Variants in CTPS1 observed in about 807,000 individuals in gnomAD.
CTPS1 encodes the protein CTP synthase 1, also known as CTP synthetase 1.
In CTPS1, 25 loss-of-function variants were observed where a neutral mutation model predicts 80.5. The ratio of observed to expected loss-of-function variants is 0.31; its 90% confidence interval spans 0.23 to 0.43. The LOEUF is 0.43. Ranked by LOEUF, CTPS1 falls within the 20% of genes least tolerant of loss-of-function variation. CTPS1 has a pLI of 1.00. For synonymous variants in CTPS1, 267 were observed against 252.5 expected (o/e 1.06, Z -0.54); for missense variants, 442 against 725.7 (o/e 0.61, Z 4.49).
chr1:40,994,567 A>G (rs997542180), intron 7 of CTPS1, among the ~76,000 whole-genome samples: 3 of 152,170 alleles, frequency 2.0e-5, no homozygotes, highest in Non-Finnish European at 2.9e-5. Flanking sequence ...CTAAAATTCT[A>G]TTAGTACTGA....
chr1:40,983,010 ATTAG>A (rs1174334681), intron 1 of CTPS1, among the ~76,000 whole-genome samples: 1 of 152,208 alleles, frequency 6.6e-6, no homozygotes, highest in Non-Finnish European at 1.5e-5. Context: ...TCTGAAGGTT[ATTAG>A]TTGTCAAAGC....
At chr1:40,986,976 A>C (rs1642471152) in intron 3 of CTPS1, among the ~76,000 whole-genome samples, 1 of 152,194 alleles carries the variant, frequency 6.6e-6, no homozygotes, top group African/African-American at 2.4e-5. Flanking sequence ...AACTGGAAAC[A>C]TATGGAACAG....
At position 40,997,532 on chromosome 1, in the gene CTPS1, G is replaced by C; in HGVS notation, c.1005+6G>C. ...ACCACAAATTGGAAATCAAGGTAAGGAGGGTGGCACAGGTACAGCCAAAGG... is the reference window on the plus strand; with the variant it reads ...ACCACAAATTGGAAATCAAGGTAAGCAGGGTGGCACAGGTACAGCCAAAGG... On this transcript the variant is annotated splice_donor_region_variant and intron_variant, in intron 9 of 18. Coordinates refer to ENST00000650070, the MANE Select transcript of CTPS1 (RefSeq NM_001905.4). 6.2e-7 allele frequency: 1 copy of C among 1,613,730 alleles called. No individual in the cohort carries two copies. The highest frequency in any genetic ancestry group is 8.5e-7 in the Non-Finnish European group (1 of 1,179,780).
rs923517893 is a variant in CTPS1 at position 41,008,814 on chromosome 1, G to A, written c.1470G>A (p.Lys490=). 6.2e-7 allele frequency: 1 copy of A among 1,614,080 alleles called. No individual in the cohort carries two copies. The highest frequency in any genetic ancestry group is 1.3e-5 in the African/African-American group (1 of 74,938). The change falls in exon 16 of 19, where the codon AAG becomes AAA. Residue 490 remains lysine (K), a synonymous_variant. Transcript: ENST00000650070. The stretch of plus-strand genomic sequence containing the variant: ...AACAGGTGAATCCAGTCTGGAAAAA[G>A]TGTTTGGAAGAACAAGGCTTGAAGT... ...HRFEVNPVWK[K]CLEEQGLKFV...
rs553446921 is a variant in CTPS1 at position 40,992,964 on chromosome 1, G to A, written c.720+1119G>A. 2.7e-3 allele frequency among the ~76,000 whole-genome samples: 407 copies of A among 152,084 alleles called. 1 individual carries two copies. The highest frequency in any genetic ancestry group is 9.5e-3 in the African/African-American group (394 of 41,516). ...CTGCCTCAGCCTCCCAAAGTGCTGG[G>A]ATTACAGGTGTGAGGGCGCCCGGCC... On this transcript the variant is annotated intron_variant, in intron 7 of 18. Coordinates refer to ENST00000650070, the MANE Select transcript of CTPS1 (RefSeq NM_001905.4).
intron 9 of CTPS1, among the ~76,000 whole-genome samples, chr1:41,000,408 A>ATTTTTTT (rs549386080): frequency 7.4e-6 from 1 of 134,416 alleles, no homozygotes. Flanking sequence ...ACACCCAGCT[A>ATTTTTTT]TTTTTTTTTT....
rs749962060 is a variant in CTPS1, at chr1:41,003,118, G to C, written c.1194G>C (p.Val398=). Residue 398 remains valine, a synonymous_variant, in exon 12 of 19, where the codon GTG becomes GTC. Coordinates refer to ENST00000650070, the MANE Select transcript of CTPS1 (RefSeq NM_001905.4). ...ARNQKKPFLG[V]CLGMQLAVVE... The stretch of plus-strand genomic sequence containing the variant: ...TTTTTTCCCCCCGACTGGAAGGCGT[G>C]TGCTTAGGGATGCAGTTGGCAGTGG... 6.2e-7 allele frequency: 1 copy of C among 1,614,202 alleles called. No homozygotes were observed. Among genetic ancestry groups the C allele is most frequent in the Non-Finnish European group, 8.5e-7 (1 of 1,180,030 alleles).
chr1:41,003,600 T>C (rs915628577), intron 12 of CTPS1, among the ~76,000 whole-genome samples: 3 of 152,250 alleles, frequency 2.0e-5, no homozygotes, highest in Non-Finnish European at 2.9e-5. Flanking sequence ...TTAGCCTTTA[T>C]GGGCCTCCGT....
Position 40,997,386 on chromosome 1 carries a change from T to C in CTPS1, c.873-8T>C. 1 of 1,610,784 alleles carries C rather than the reference T, an allele frequency of 6.2e-7. No individual in the cohort carries two copies. ...GTAATTGGGTTTTTCTTGACGTTTA[T>C]TTGATAGATATGATCGCTTGCTGGA... On this transcript the variant is annotated splice_polypyrimidine_tract_variant and splice_region_variant and intron_variant, in intron 8 of 18. Coordinates refer to ENST00000650070, the MANE Select transcript of CTPS1 (RefSeq NM_001905.4).
intron 10 of CTPS1, 140 bp from the exon 11 acceptor site, chr1:41,002,020 A>G (rs1570972042): frequency 6.7e-6 from 5 of 749,192 alleles, no homozygotes; most frequent in Non-Finnish European, 1.2e-5. Flanking sequence ...TAGTGTTTAC[A>G]TACAATTCAT....
chr1:41,003,734 C>T (rs1021461601), intron 12 of CTPS1, among the ~76,000 whole-genome samples: 3 of 152,176 alleles, frequency 2.0e-5, no homozygotes, highest in African/African-American at 7.2e-5. Flanking sequence ...CAGCTCTTCG[C>T]CTAGCTGTGT....
At chr1:41,005,577 T>C (rs1025833147) in intron 12 of CTPS1, among the ~76,000 whole-genome samples, 1 of 152,210 alleles carries the variant, frequency 6.6e-6, no homozygotes, top group Non-Finnish European at 1.5e-5. Context: ...CGTAAAAAAA[T>C]TCACGTGTGT....
At chr1:40,983,240 G>C in intron 1 of CTPS1, 38 bp from the exon 2 acceptor site, 10 of 1,568,872 alleles carry the variant, frequency 6.4e-6, no homozygotes, top group South Asian at 2.3e-5. Context: ...GGTTTGTTGA[G>C]ATACATTTAT....
chr1:41,006,216 G>T (rs1643030286), intron 13 of CTPS1, 122 bp downstream of exon 13: 2 of 799,818 alleles, frequency 2.5e-6, no homozygotes, highest in Non-Finnish European at 4.1e-6. Context: ...GAACCCTGAG[G>T]TTTTGGGCAC....
intron 13 of CTPS1, 109 bp downstream of exon 13, chr1:41,006,203 A>G (rs1165706889): frequency 2.1e-6 from 2 of 945,934 alleles, no homozygotes; most frequent in Admixed American, 4.4e-5. Flanking sequence ...AGTCCATCCC[A>G]AAGAACCCTG....
At chr1:40,999,534 T>G (rs975261084) in intron 9 of CTPS1, among the ~76,000 whole-genome samples, 3 of 152,178 alleles carry the variant, frequency 2.0e-5, no homozygotes, top group Non-Finnish European at 4.4e-5. Context: ...AATGAGATAG[T>G]GACACAAACC....
rs367879047 is a variant in CTPS1, at chr1:41,009,921, A to T, written c.1692-240A>T. ...TGTCCCATTGCCACCTTTATCCAGA[A>T]CCAGTACTCAGAGTTGGTGGTAGGG... On this transcript the variant is annotated intron_variant, in intron 17 of 18. Coordinates refer to ENST00000650070, the MANE Select transcript of CTPS1 (RefSeq NM_001905.4). Among the ~76,000 whole-genome samples the T allele has an allele frequency of 2.6e-5, 4 of 152,232 alleles. No homozygotes were observed. The South Asian group carries it at 8.3e-4, about 32-fold the overall frequency.
chr1:41,002,034 C>A, intron 10 of CTPS1, 126 bp from the exon 11 acceptor site: 2 of 790,902 alleles, frequency 2.5e-6, no homozygotes, highest in South Asian at 1.5e-5. Flanking sequence ...AATTCATTGT[C>A]ACAGTAGCAC....
At chr1:40,996,321 G>A (rs1235420005) in intron 8 of CTPS1, among the ~76,000 whole-genome samples, 4 of 152,170 alleles carry the variant, frequency 2.6e-5, no homozygotes, top group East Asian at 1.9e-4. Context: ...GTCTTAACAC[G>A]CTTGTCTCTT....
Sources: allele counts gnomAD v4.1 joint callset (sites outside exome capture counted in the v4.1 genomes callset), GRCh38; gene constraint gnomAD v4.1.1; transcripts MANE v1.5; gene names NCBI Gene and HGNC (gene_info 2026-07-23, HGNC 2026-07-21).